CRBN: variants seen among roughly 807,000 people sequenced by gnomAD.
CRBN encodes protein cereblon.
Under a neutral mutation model 62.2 loss-of-function variants are expected in CRBN, and 53 were observed. That is an observed-to-expected ratio of 0.85 (90% CI 0.68 to 1.07). CRBN has a LOEUF of 1.07. Ranked by LOEUF, CRBN falls within the 50% of genes least tolerant of loss-of-function variation. The pLI, the probability that CRBN is intolerant of heterozygous loss-of-function variation, is 0.00. For synonymous variants in CRBN, 208 were observed against 176.1 expected (o/e 1.18, Z -1.43); for missense variants, 616 against 531.1 (o/e 1.16, Z -1.57).
At chr3:3,165,872 C>G (rs564511800) in intron 5 of CRBN, among the ~76,000 whole-genome samples, 5 of 152,262 alleles carry the variant, frequency 3.3e-5, no homozygotes, top group African/African-American at 1.2e-4. Flanking sequence ...CCACGTATTT[C>G]AGTAGCAAAC....
At chr3:3,176,318 A>G (rs996555965) in intron 1 of CRBN, among the ~76,000 whole-genome samples, 2 of 152,246 alleles carry the variant, frequency 1.3e-5, no homozygotes, top group Non-Finnish European at 2.9e-5. Context: ...CAGTTCCTAC[A>G]TAAGTAAGAA....
At chr3:3,156,066 A>T (rs1315136261) in intron 6 of CRBN, 153 bp downstream of exon 6, 1 of 683,904 alleles carries the variant, frequency 1.5e-6, no homozygotes, top group Non-Finnish European at 2.5e-6. Context: ...GGCCTCCCAA[A>T]GTGCTGGGAT....
chr3:3,175,890 T>C (rs917359424), intron 1 of CRBN, among the ~76,000 whole-genome samples: 1 of 152,192 alleles, frequency 6.6e-6, no homozygotes, highest in African/African-American at 2.4e-5. Context: ...TGTTATTCTT[T>C]TCCTTTTTAG....
At chr3:3,169,804 G>T (rs1016989779) in intron 4 of CRBN, among the ~76,000 whole-genome samples, 1 of 152,102 alleles carries the variant, frequency 6.6e-6, no homozygotes, top group African/African-American at 2.4e-5. Context: ...CTTCTCTTGT[G>T]ATGCCAATAG....
In CRBN at chr3:3,150,570, T is replaced by C. The variant is rs559409007; in HGVS notation, c.*295A>G. 60 of 282,696 alleles carry C rather than the reference T, an allele frequency of 2.1e-4. No individual in the cohort carries two copies. In the South Asian group the frequency reaches 2.5e-3, roughly 12 times the overall value. The allele number at this position is 282,696 out of a possible 1,614,324, so 17.5% of individuals were successfully genotyped here. On this transcript the variant is annotated 3_prime_UTR_variant, in exon 11 of 11. Transcript: ENST00000231948. ...AATCTCATCATTTCCAAAGATGTCTTCATGTCCCATCAATGACATGCTACC... is the reference window on the plus strand; with the variant it reads ...AATCTCATCATTTCCAAAGATGTCTCCATGTCCCATCAATGACATGCTACC...
chr3:3,171,308 G>A (rs1450795946), intron 4 of CRBN, among the ~76,000 whole-genome samples: 1 of 152,124 alleles, frequency 6.6e-6, no homozygotes, highest in African/African-American at 2.4e-5. Context: ...ATTGTATGAA[G>A]ATAAGAAGTA....
intron 2 of CRBN, among the ~76,000 whole-genome samples, chr3:3,174,959 CA>C (rs1707771395): frequency 6.6e-6 from 1 of 152,264 alleles, no homozygotes; most frequent in African/African-American, 2.4e-5. Flanking sequence ...TAAAGAGCAA[CA>C]ATTCCTCAAA....
At chr3:3,170,026 C>G (rs1707537353) in intron 4 of CRBN, among the ~76,000 whole-genome samples, 1 of 152,062 alleles carries the variant, frequency 6.6e-6, no homozygotes, top group South Asian at 2.1e-4. Context: ...GTTGGCGAAG[C>G]TGGAGTGCAG....
At chr3:3,153,163 A>C (rs1706702560) in intron 9 of CRBN, 1 of 427,026 alleles carries the variant, frequency 2.3e-6, no homozygotes, top group South Asian at 2.3e-5. Flanking sequence ...TAGATTGTCA[A>C]CAAGAATTAG....
In CRBN at chr3:3,156,285, A is replaced by G. The variant is rs1202561781; in HGVS notation, c.688-4T>C. ...GATTTGCACAATGAAACTTTCTCTG[A>G]AAACAAAACAAAAAGGCACTTAAAA... On this transcript the variant is annotated splice_region_variant and splice_polypyrimidine_tract_variant and intron_variant, in intron 5 of 10. Coordinates refer to ENST00000231948, the MANE Select transcript of CRBN (RefSeq NM_016302.4). The G allele has an allele frequency of 6.2e-7, 1 of 1,613,740 alleles. No individual in the cohort carries two copies. The highest frequency in any genetic ancestry group is 1.7e-5 in the Admixed American group (1 of 60,020).
At chr3:3,152,334 T>G (rs537755367) in intron 10 of CRBN, 122 bp downstream of exon 10, 1 of 1,095,316 alleles carries the variant, frequency 9.1e-7, no homozygotes, top group Non-Finnish European at 1.4e-6. Flanking sequence ...TGTAGCAAAT[T>G]ACTCATTTGT....
chr3:3,169,657 C>T (rs992124554), intron 4 of CRBN, among the ~76,000 whole-genome samples: 2 of 152,148 alleles, frequency 1.3e-5, no homozygotes, highest in Non-Finnish European at 2.9e-5. Context: ...ACCTTGGTCT[C>T]TCCAGATGAA....
intron 1 of CRBN, among the ~76,000 whole-genome samples, chr3:3,178,130 C>T (rs547955357): frequency 1.3e-5 from 2 of 152,164 alleles, no homozygotes; most frequent in African/African-American, 4.8e-5. Context: ...CAGTATCCTC[C>T]CTCTTCTATT....
intron 5 of CRBN, among the ~76,000 whole-genome samples, chr3:3,166,312 A>T (rs1707329658): frequency 6.6e-6 from 1 of 152,126 alleles, no homozygotes; most frequent in Non-Finnish European, 1.5e-5. Flanking sequence ...CCCTGCTGCC[A>T]TCTATGTAAG....
chr3:3,173,052 T>TTTTATTTA lies in CRBN; in HGVS notation c.378-135_378-128dup, dbSNP rs201165279. The TTTTATTTA allele has an allele frequency of 8.0e-5, 60 of 754,390 alleles. No homozygotes were observed. In the African/African-American group the frequency reaches 1.0e-3, roughly 13 times the overall value. 46.7% of individuals were successfully genotyped at this position (754,390 alleles called of 1,614,324 possible). On this transcript the variant is annotated intron_variant, in intron 3 of 10. Transcript: ENST00000231948. ...AACCCTTACTACAAAGCTAGGATAA[T>TTTTATTTA]TTTATTTATTTATTTATTTGTTTGA...
intron 4 of CRBN, among the ~76,000 whole-genome samples, chr3:3,169,536 T>A (rs1707514465): frequency 6.6e-6 from 1 of 152,182 alleles, no homozygotes; most frequent in Admixed American, 6.5e-5. Flanking sequence ...TGACTATCTT[T>A]AGAATCCCTC....
chr3:3,164,042 AT>A (rs1445378469), intron 5 of CRBN, among the ~76,000 whole-genome samples: 1 of 152,190 alleles, frequency 6.6e-6, no homozygotes, highest in African/African-American at 2.4e-5. Flanking sequence ...AACTGCACCC[AT>A]TTAAGACAGT....
chr3:3,153,421 T>C lies in CRBN; in HGVS notation c.1016+3A>G. Reference sequence around the variant, plus strand: ...TATATTAAAAACGTAATAAAGACCTTACCTGAATATTTCATTTTTGGTTGT... The same window carrying C: ...TATATTAAAAACGTAATAAAGACCTCACCTGAATATTTCATTTTTGGTTGT... On this transcript the variant is annotated splice_donor_region_variant and intron_variant, in intron 9 of 10. Transcript: ENST00000231948. 1 of 1,463,468 alleles carries C rather than the reference T, an allele frequency of 6.8e-7. No homozygotes were observed. The highest frequency in any genetic ancestry group is 9.6e-7 in the Non-Finnish European group (1 of 1,043,020). The allele number at this position is 1,463,468 out of a possible 1,614,324, so 90.7% of individuals were successfully genotyped here. A position where few individuals can be genotyped will look rare whatever the true frequency, so the allele number is the denominator to read the frequency against.
intron 2 of CRBN, 26 bp downstream of exon 2, chr3:3,175,137 A>T (rs767162979): frequency 7.3e-7 from 1 of 1,364,592 alleles, no homozygotes; most frequent in Non-Finnish European, 1.0e-6. Context: ...TATCTATTAT[A>T]TTAGATCTGT....
Sources: gnomAD v4.1 joint callset for allele counts (sites outside exome capture counted in the v4.1 genomes callset) on GRCh38, gnomAD v4.1.1 for gene constraint, MANE v1.5 for transcripts, NCBI Gene and HGNC (gene_info 2026-07-23, HGNC 2026-07-21) for gene names.